TBC1D1: variants seen among roughly 807,000 people sequenced by gnomAD.
TBC1D1 encodes the protein TBC1 (tre-2/USP6, BUB2, cdc16) domain family, member 1.
A neutral mutation model predicts 125.6 loss-of-function variants in TBC1D1; 89 were observed. The ratio of observed to expected loss-of-function variants is 0.71; its 90% CI spans 0.60 to 0.85. TBC1D1 has a LOEUF of 0.85. Ranked by LOEUF, TBC1D1 falls within the 40% of genes least tolerant of loss-of-function variation. The probability of loss-of-function intolerance (pLI) is 0.00; values close to 1 mark genes in which losing one functional copy is unlikely to be tolerated. For synonymous variants in TBC1D1, 565 were observed against 564.1 expected (o/e 1.00, Z -0.02); for missense variants, 1,377 against 1,469.2 (o/e 0.94, Z 1.03).
At chr4:38,006,886 A>C in intron 2 of TBC1D1, 1 of 491,158 alleles carries the variant, frequency 2.0e-6, no homozygotes. Flanking sequence ...CCTGATGCTC[A>C]TCTCTGCAGA....
At chr4:37,915,440 G>A (rs1040860048) in intron 2 of TBC1D1, among the ~76,000 whole-genome samples, 11 of 152,190 alleles carry the variant, frequency 7.2e-5, no homozygotes, top group Admixed American at 2.6e-4. Context: ...GAATGTCTGT[G>A]AGCCGGGAGA....
chr4:38,005,047 C>T (rs1397541129), intron 2 of TBC1D1, among the ~76,000 whole-genome samples: 1 of 152,084 alleles, frequency 6.6e-6, no homozygotes, highest in Admixed American at 6.5e-5. Context: ...TTCCATCTCC[C>T]CCGCCTTTCT....
chr4:37,974,529 A>G (rs3892741), intron 2 of TBC1D1, among the ~76,000 whole-genome samples: 94,002 of 151,028 alleles, frequency 0.62, 29,662 homozygotes, highest in East Asian at 0.93. Flanking sequence ...ATGAGCCACC[A>G]TGCATGGCCT....
intron 18 of TBC1D1, among the ~76,000 whole-genome samples, chr4:38,125,894 G>A (rs1764553920): frequency 6.6e-6 from 1 of 152,194 alleles, no homozygotes; most frequent in Non-Finnish European, 1.5e-5. Flanking sequence ...GGGTAGCTAC[G>A]AAAGCACTGG....
intron 2 of TBC1D1, among the ~76,000 whole-genome samples, chr4:37,948,772 C>T (rs79563703): frequency 2.6e-5 from 4 of 152,254 alleles, no homozygotes; most frequent in East Asian, 3.9e-4. Flanking sequence ...TGTCACCCCC[C>T]GTCTTCCTCC....
At chr4:37,919,255 C>T (rs1265941140) in intron 2 of TBC1D1, among the ~76,000 whole-genome samples, 1 of 151,048 alleles carries the variant, frequency 6.6e-6, no homozygotes, top group Non-Finnish European at 1.5e-5. Context: ...GCAACCTCCA[C>T]CTCCTGGGTT....
chr4:38,006,116 TA>T (rs1330740741), intron 2 of TBC1D1, among the ~76,000 whole-genome samples: 14 of 152,208 alleles, frequency 9.2e-5, no homozygotes, highest in Admixed American at 9.2e-4. Context: ...CTGTGGTTGT[TA>T]AAAATTTTTG....
intron 1 of TBC1D1, among the ~76,000 whole-genome samples, chr4:37,895,660 C>T (rs1305522974): frequency 3.3e-5 from 5 of 152,116 alleles, no homozygotes; most frequent in Admixed American, 1.3e-4. Context: ...GCTGAGATCA[C>T]GCCACTGCAC....
At chr4:37,935,487 G>A (rs1724199886) in intron 2 of TBC1D1, among the ~76,000 whole-genome samples, 1 of 152,132 alleles carries the variant, frequency 6.6e-6, no homozygotes, top group Non-Finnish European at 1.5e-5. Context: ...CCATCAGAAA[G>A]TCTTCTTGAT....
intron 1 of TBC1D1, among the ~76,000 whole-genome samples, chr4:37,891,851 T>C (rs1713404589): frequency 6.6e-6 from 1 of 151,952 alleles, no homozygotes; most frequent in South Asian, 2.1e-4. Flanking sequence ...GCTTCATTGT[T>C]TCTAGCCGCT....
chr4:37,912,023 G>T (rs1027431962), intron 2 of TBC1D1, among the ~76,000 whole-genome samples: 1 of 152,162 alleles, frequency 6.6e-6, no homozygotes. Context: ...AATTACATAG[G>T]TTATACTGAA....
chr4:38,046,028 G>C, intron 10 of TBC1D1, 125 bp downstream of exon 10: 2 of 788,104 alleles, frequency 2.5e-6, no homozygotes, highest in Non-Finnish European at 4.3e-6. Flanking sequence ...ACAGGTGGAG[G>C]ACTGGTCATG....
chr4:37,964,375 C>T (rs1730669574), intron 2 of TBC1D1, among the ~76,000 whole-genome samples: 2 of 152,158 alleles, frequency 1.3e-5, no homozygotes, highest in African/African-American at 4.8e-5. Context: ...GATTCTAAAC[C>T]TCGTGCTAGA....
intron 2 of TBC1D1, among the ~76,000 whole-genome samples, chr4:37,974,884 A>T (rs955019413): frequency 6.6e-6 from 1 of 152,162 alleles, no homozygotes; most frequent in Non-Finnish European, 1.5e-5. Flanking sequence ...GGTTTTATCT[A>T]TTCCTATGCA....
intron 12 of TBC1D1, among the ~76,000 whole-genome samples, chr4:38,055,956 G>A (rs62299979): frequency 6.6e-6 from 1 of 152,168 alleles, no homozygotes; most frequent in Non-Finnish European, 1.5e-5. Context: ...CCTCGGTGTT[G>A]CGGTGGCCAT....
chr4:38,108,861 G>A (rs2152565431), intron 15 of TBC1D1, among the ~76,000 whole-genome samples: 1 of 152,326 alleles, frequency 6.6e-6, no homozygotes, highest in South Asian at 2.1e-4. Flanking sequence ...AGAAGTAGGA[G>A]AACCTCCAAA....
chr4:37,989,833 A>G (rs1388404952), intron 2 of TBC1D1, among the ~76,000 whole-genome samples: 2 of 151,920 alleles, frequency 1.3e-5, no homozygotes, highest in Non-Finnish European at 2.9e-5. Context: ...GTAGGGAGGG[A>G]CTCCTTGACA....
At chr4:38,008,415 A>G (rs1384803372) in intron 2 of TBC1D1, among the ~76,000 whole-genome samples, 1 of 152,118 alleles carries the variant, frequency 6.6e-6, no homozygotes, top group Non-Finnish European at 1.5e-5. Flanking sequence ...TTGGAGTACA[A>G]ACTATGTTTT....
intron 18 of TBC1D1, chr4:38,132,802 GTTT>G (rs61642658): frequency 2.3e-4 from 39 of 166,296 alleles, no homozygotes; most frequent in East Asian, 1.1e-3. Context: ...AAAATGAGAG[GTTT>G]TTTTTTTTTT....
Sources: allele counts gnomAD v4.1 joint callset (sites outside exome capture counted in the v4.1 genomes callset), GRCh38; gene constraint gnomAD v4.1.1; transcripts MANE v1.5; gene names NCBI Gene and HGNC (gene_info 2026-07-23, HGNC 2026-07-21).